The following ACADSB variants were observed in gnomAD, a reference collection of about 807,000 sequenced individuals.
The protein encoded by ACADSB is acyl-CoA dehydrogenase short/branched chain.
ACADSB carries 40 observed loss-of-function variants against 54.1 expected under a neutral mutation model. That is an observed-to-expected ratio of 0.74 (90% confidence interval 0.57 to 0.96). The LOEUF is 0.96. Among genes scored for constraint, ACADSB ranks in the 40% least tolerant of loss-of-function variants. The pLI is 0.00. For synonymous variants in ACADSB, 182 were observed against 182.8 expected, an observed-to-expected ratio of 1.00 and a Z score of 0.03; for missense variants, 530 against 510.4, an observed-to-expected ratio of 1.04 and a Z score of -0.37.
intron 6 of ACADSB, 58 bp downstream of exon 6, chr10:123,043,229 C>T (rs1850499667): frequency 6.2e-7 from 1 of 1,604,176 alleles, no homozygotes; most frequent in Non-Finnish European, 8.5e-7. Context: ...TGCATGGAAC[C>T]ACAGGAGGTG....
At chr10:123,029,377 G>A (rs1850297501) in intron 1 of ACADSB, among the ~76,000 whole-genome samples, 1 of 151,174 alleles carries the variant, frequency 6.6e-6, no homozygotes, top group Non-Finnish European at 1.5e-5. Flanking sequence ...AAAAAAGAAA[G>A]AAAACAATGC....
chr10:123,044,449 G>C lies in ACADSB; in HGVS notation c.864G>C (p.Gly288=). 3.1e-6 allele frequency: 5 copies of C among 1,613,910 alleles called. No homozygotes were observed. Among genetic ancestry groups the C allele is most frequent in the Non-Finnish European group, 2.5e-6 (3 of 1,179,858 alleles). ...QIGHGYKYAI[G]SLNEGRIGIA... ...GACATGGCTATAAGTATGCCATAGG[G>C]AGTCTCAATGAAGGTAGAATAGGAA... The change falls in exon 7 of 11, where the codon GGG becomes GGC. Residue 288 remains glycine (G), a synonymous_variant. Transcript: ENST00000358776.
At chr10:123,030,557 A>T (rs1373765107) in intron 1 of ACADSB, among the ~76,000 whole-genome samples, 1 of 151,718 alleles carries the variant, frequency 6.6e-6, no homozygotes, top group South Asian at 2.1e-4. Context: ...AAGAAAAAAA[A>T]TTTTCTTCTT....
intron 5 of ACADSB, among the ~76,000 whole-genome samples, chr10:123,042,711 G>A (rs1850491743): frequency 6.6e-6 from 1 of 151,774 alleles, no homozygotes. Context: ...GCCTCCGAAA[G>A]TGCTGGGATT....
At chr10:123,051,644 T>A (rs1027592118) in intron 9 of ACADSB, among the ~76,000 whole-genome samples, 1 of 152,168 alleles carries the variant, frequency 6.6e-6, no homozygotes, top group Non-Finnish European at 1.5e-5. Flanking sequence ...CAAGAAAAGA[T>A]TGTCTAAAAC....
intron 2 of ACADSB, 63 bp downstream of exon 2, chr10:123,034,578 C>A: frequency 6.4e-7 from 1 of 1,552,710 alleles, no homozygotes; most frequent in Non-Finnish European, 8.8e-7. Flanking sequence ...CATAGTGGTG[C>A]AATCATGGCT....
At chr10:123,045,967 G>C (rs1421777087) in intron 7 of ACADSB, among the ~76,000 whole-genome samples, 1 of 152,208 alleles carries the variant, frequency 6.6e-6, no homozygotes, top group Non-Finnish European at 1.5e-5. Context: ...AACCTTGCAG[G>C]CAGAGAGAAT....
In ACADSB at chr10:123,045,151, A is replaced by T. The variant is rs1291988916; in HGVS notation, c.900+666A>T. Among the ~76,000 whole-genome samples the T allele has an allele frequency of 7.8e-4, 7 of 8,922 alleles. 1 individual carries two copies. The highest frequency in any genetic ancestry group is 2.6e-3 in the African/African-American group (5 of 1,888). 5.9% of individuals were successfully genotyped at this position (8,922 alleles called of 152,430 possible). A position where few individuals can be genotyped will look rare whatever the true frequency, so the allele number is the denominator to read the frequency against. ...AGAGTGTATATATATATATATATATATATATATATATATATATATATTTTT... is the reference window on the plus strand; with the variant it reads ...AGAGTGTATATATATATATATATATTTATATATATATATATATATATTTTT... On this transcript the variant is annotated intron_variant, in intron 7 of 10. Transcript: ENST00000358776.
intron 1 of ACADSB, among the ~76,000 whole-genome samples, chr10:123,011,527 CTTTT>C (rs35312878): frequency 7.2e-6 from 1 of 139,368 alleles, no homozygotes. Context: ...AGCTTGATAT[CTTTT>C]TTTTTTTTTT....
At chr10:123,023,630 C>T (rs1362248270) in intron 1 of ACADSB, among the ~76,000 whole-genome samples, 1 of 152,146 alleles carries the variant, frequency 6.6e-6, no homozygotes, top group African/African-American at 2.4e-5. Flanking sequence ...AAAGCAGTTT[C>T]CATGGCAGTT....
At chr10:123,048,940 T>C (rs1415828225) in intron 8 of ACADSB, among the ~76,000 whole-genome samples, 1 of 152,108 alleles carries the variant, frequency 6.6e-6, no homozygotes, top group African/African-American at 2.4e-5. Context: ...GTGGTCTTGA[T>C]CTCCTGACCT....
intron 8 of ACADSB, among the ~76,000 whole-genome samples, chr10:123,050,032 A>G (rs926043093): frequency 1.3e-5 from 2 of 152,252 alleles, no homozygotes; most frequent in Non-Finnish European, 2.9e-5. Context: ...TATAGCCTAC[A>G]TATACGGAAC....
chr10:123,041,482 CTT>C (rs1850473302), intron 5 of ACADSB, 103 bp downstream of exon 5: 19 of 1,207,668 alleles, frequency 1.6e-5, no homozygotes, highest in Non-Finnish European at 2.3e-5. Context: ...ATCTTGAACT[CTT>C]TAGTCTTCTC....
chr10:123,035,205 C>T (rs1850383016), intron 2 of ACADSB, among the ~76,000 whole-genome samples: 1 of 152,090 alleles, frequency 6.6e-6, no homozygotes, highest in Admixed American at 6.5e-5. Flanking sequence ...ATCTGCCCTC[C>T]TTGGCCTCCC....
In ACADSB at chr10:123,041,267, C is replaced by T. The variant is rs201451908; in HGVS notation, c.569C>T (p.Thr190Ile). ...GAGSDSFALK[T>I]RADKEGDYYV... is the part of the protein sequence containing the mutation. ...GGTAGTGACTCATTTGCTTTGAAGACCAGAGCTGATAAAGAGGGAGATTAT... is the reference window on the plus strand; with the variant it reads ...GGTAGTGACTCATTTGCTTTGAAGATCAGAGCTGATAAAGAGGGAGATTAT... Residue 190 changes from threonine to isoleucine, a missense_variant, in exon 5 of 11, where the codon ACC (threonine) becomes ATC (isoleucine). Physicochemically the swap from Thr to Ile is moderately conservative, Grantham distance 89 (BLOSUM62 -1). Coordinates refer to ENST00000358776, the MANE Select transcript of ACADSB (RefSeq NM_001609.4). 6.2e-7 allele frequency: 1 copy of T among 1,614,094 alleles called. No individual in the cohort carries two copies. Among genetic ancestry groups the T allele is most frequent in the East Asian group, 2.2e-5 (1 of 44,882 alleles).
chr10:123,053,227 T>C (rs1295174201), intron 10 of ACADSB, 67 bp downstream of exon 10: 2 of 1,337,770 alleles, frequency 1.5e-6, no homozygotes, highest in Non-Finnish European at 2.1e-6. Flanking sequence ...TTTGGCTGTT[T>C]TATTTGTCGT....
intron 1 of ACADSB, among the ~76,000 whole-genome samples, chr10:123,014,691 G>A (rs1389950561): frequency 6.6e-6 from 1 of 152,212 alleles, no homozygotes; most frequent in Non-Finnish European, 1.5e-5. Flanking sequence ...ATGAATTTTA[G>A]AACAGTAGAA....
intron 9 of ACADSB, 44 bp downstream of exon 9, chr10:123,051,230 C>T (rs1265963298): frequency 1.1e-5 from 11 of 985,836 alleles, no homozygotes; most frequent in East Asian, 4.5e-5. Flanking sequence ...GTAATTCAGC[C>T]TTTTTTTTTT....
intron 1 of ACADSB, among the ~76,000 whole-genome samples, chr10:123,032,795 G>T (rs1296877436): frequency 6.6e-6 from 1 of 151,774 alleles, no homozygotes; most frequent in African/African-American, 2.4e-5. Context: ...CTCCATGTTG[G>T]TCAGGCAGGC....
Sources: allele counts gnomAD v4.1 joint callset (sites outside exome capture counted in the v4.1 genomes callset), GRCh38; gene constraint gnomAD v4.1.1; transcripts MANE v1.5; gene names NCBI Gene and HGNC (gene_info 2026-07-23, HGNC 2026-07-21).